The following RBFOX1 variants were observed in gnomAD, a reference collection of about 807,000 sequenced individuals.
RBFOX1 encodes the protein RNA binding protein fox-1 homolog 1.
Under a neutral mutation model 57.7 loss-of-function variants are expected in RBFOX1, and 8 were observed. That is an observed-to-expected ratio of 0.14 (90% CI 0.08 to 0.25). The LOEUF (loss-of-function observed/expected upper bound fraction) is 0.25. Ranked by LOEUF, RBFOX1 falls within the 10% of genes least tolerant of loss-of-function variation. The probability of loss-of-function intolerance (pLI) is 1.00; values close to 1 mark genes in which losing one functional copy is unlikely to be tolerated. For synonymous variants in RBFOX1, 326 were observed against 222.4 expected (o/e 1.47, Z -4.15); for missense variants, 611 against 548.5 (o/e 1.11, Z -1.14).
chr16:5,517,505 AGAG>A (rs1397861978), intron 2 of RBFOX1, among the ~76,000 whole-genome samples: 5 of 152,182 alleles, frequency 3.3e-5, no homozygotes, highest in Non-Finnish European at 5.9e-5. Flanking sequence ...AAATCCCAGA[AGAG>A]AGAATTTTAT....
At chr16:7,124,106 C>G (rs774564913) in intron 4 of RBFOX1, among the ~76,000 whole-genome samples, 5 of 152,112 alleles carry the variant, frequency 3.3e-5, no homozygotes, top group Non-Finnish European at 5.9e-5. Flanking sequence ...TATACTTTTA[C>G]CAAGTCTCAG....
At chr16:7,002,704 C>G (rs986787106) in intron 3 of RBFOX1, among the ~76,000 whole-genome samples, 1 of 152,052 alleles carries the variant, frequency 6.6e-6, no homozygotes, top group African/African-American at 2.4e-5. Context: ...GAGTGAGGGT[C>G]CAACTCAAAA....
chr16:6,456,740 C>T (rs921193287), intron 2 of RBFOX1, among the ~76,000 whole-genome samples: 4 of 152,030 alleles, frequency 2.6e-5, no homozygotes, highest in Admixed American at 2.0e-4. Flanking sequence ...CTGAATGGAT[C>T]CGTGAGACAC....
chr16:5,824,698 C>G (rs906667287), intron 3 of RBFOX1, among the ~76,000 whole-genome samples: 2 of 152,252 alleles, frequency 1.3e-5, no homozygotes, highest in Non-Finnish European at 2.9e-5. Context: ...TGCAGGGCAT[C>G]TGAGGCCTCT....
chr16:6,883,010 A>G lies in RBFOX1; in HGVS notation c.-15-169047A>G, dbSNP rs149312726. On this transcript the variant is annotated intron_variant, in intron 3 of 15. Coordinates refer to ENST00000550418, the MANE Select transcript of RBFOX1 (RefSeq NM_018723.4). The stretch of plus-strand genomic sequence containing the variant: ...GTGAGATTGTGAATTGTTAAGTCCA[A>G]TCTGCAGATATTCTAGATAACCCAT... Among the ~76,000 whole-genome samples, 239 of 152,272 alleles carry G rather than the reference A, an allele frequency of 1.6e-3. 1 individual carries two copies. Among genetic ancestry groups the G allele is most frequent in the African/African-American group, 5.5e-3 (228 of 41,560 alleles).
At chr16:6,914,433 G>C (rs529613260) in intron 3 of RBFOX1, among the ~76,000 whole-genome samples, 1 of 152,140 alleles carries the variant, frequency 6.6e-6, no homozygotes, top group African/African-American at 2.4e-5. Flanking sequence ...AAAGACAGTA[G>C]TAAAGGAGGT....
At chr16:5,840,047 C>T (rs1051762220) in intron 3 of RBFOX1, among the ~76,000 whole-genome samples, 1 of 152,164 alleles carries the variant, frequency 6.6e-6, no homozygotes, top group Non-Finnish European at 1.5e-5. Context: ...GTGACCAAGG[C>T]ACTCATAATC....
chr16:6,827,986 C>G (rs1048675949), intron 3 of RBFOX1, among the ~76,000 whole-genome samples: 1 of 152,226 alleles, frequency 6.6e-6, no homozygotes, highest in African/African-American at 2.4e-5. Flanking sequence ...CAAATCTTGT[C>G]TGCTTTTTGC....
intron 3 of RBFOX1, among the ~76,000 whole-genome samples, chr16:5,641,489 C>G (rs577590914): frequency 6.6e-6 from 1 of 152,332 alleles, no homozygotes; most frequent in South Asian, 2.1e-4. Context: ...GTAGAAAGGC[C>G]TCTTCCAAGA....
chr16:7,406,512 T>C (rs1425979912), intron 4 of RBFOX1, among the ~76,000 whole-genome samples: 1 of 152,200 alleles, frequency 6.6e-6, no homozygotes, highest in East Asian at 1.9e-4. Context: ...TTTCGAATCT[T>C]GCTTTTGAGT....
intron 3 of RBFOX1, chr16:5,867,282 CT>C: frequency 5.1e-6 from 6 of 1,185,824 alleles, no homozygotes; most frequent in Non-Finnish European, 6.3e-6. Flanking sequence ...ATACTAATGT[CT>C]TTTTTTGTTT....
intron 3 of RBFOX1, among the ~76,000 whole-genome samples, chr16:6,775,260 GC>G (rs1443393368): frequency 2.0e-5 from 3 of 148,694 alleles, no homozygotes; most frequent in Admixed American, 6.8e-5. Context: ...AAACCGGGAG[GC>G]CGAGCTTGCA....
intron 4 of RBFOX1, among the ~76,000 whole-genome samples, chr16:7,130,032 ATTT>A (rs58634498): frequency 5.2e-5 from 7 of 133,378 alleles, no homozygotes; most frequent in Non-Finnish European, 3.2e-5. Context: ...ATTTTTGAAG[ATTT>A]TTTTTTTTTT....
At chr16:6,596,296 G>T (rs2097776116) in intron 2 of RBFOX1, among the ~76,000 whole-genome samples, 1 of 152,100 alleles carries the variant, frequency 6.6e-6, no homozygotes, top group South Asian at 2.1e-4. Context: ...TGCATGTGGT[G>T]AGATAAGGAT....
chr16:5,674,104 T>C (rs527750578), intron 3 of RBFOX1, among the ~76,000 whole-genome samples: 1 of 152,352 alleles, frequency 6.6e-6, no homozygotes, highest in South Asian at 2.1e-4. Flanking sequence ...GAGGTGATTC[T>C]ACAGCAAAAG....
intron 2 of RBFOX1, among the ~76,000 whole-genome samples, chr16:6,576,505 G>A (rs1350129500): frequency 1.3e-5 from 2 of 151,966 alleles, no homozygotes; most frequent in South Asian, 2.1e-4. Flanking sequence ...TTCTTCTAAG[G>A]GTCTTAAAAA....
At chr16:6,501,495 C>T (rs913830537) in intron 2 of RBFOX1, among the ~76,000 whole-genome samples, 5 of 151,932 alleles carry the variant, frequency 3.3e-5, no homozygotes. Flanking sequence ...CTGCATAGTA[C>T]TCCATGGTGT....
chr16:5,376,566 G>C (rs1473936235), intron 1 of RBFOX1, among the ~76,000 whole-genome samples: 1 of 152,184 alleles, frequency 6.6e-6, no homozygotes, highest in Non-Finnish European at 1.5e-5. Flanking sequence ...GAAGGAAGGG[G>C]TGGTGCACAC....
chr16:7,496,788 T>G (rs2068816537), intron 4 of RBFOX1, among the ~76,000 whole-genome samples: 1 of 148,342 alleles, frequency 6.7e-6, no homozygotes, highest in South Asian at 2.1e-4. Flanking sequence ...TGCTCCAAAT[T>G]GTATTTTCTT....
Sources: gnomAD v4.1 joint callset for allele counts (sites outside exome capture counted in the v4.1 genomes callset) on GRCh38, gnomAD v4.1.1 for gene constraint, MANE v1.5 for transcripts, NCBI Gene and HGNC (gene_info 2026-07-23, HGNC 2026-07-21) for gene names.